Variants in DENND6A observed in about 807,000 individuals in gnomAD.
DENND6A encodes DENN domain containing 6A.
Under a neutral mutation model 95.5 loss-of-function variants are expected in DENND6A, and 43 were observed. That is an observed-to-expected ratio of 0.45 (90% CI 0.35 to 0.58). The LOEUF is 0.58. Among genes scored for constraint, DENND6A ranks in the 20% least tolerant of loss-of-function variants. The probability of loss-of-function intolerance (pLI) is 0.00; values close to 1 mark genes in which losing one functional copy is unlikely to be tolerated. For missense variants in DENND6A, 574 were observed against 736.0 expected (o/e 0.78, Z 2.55); for synonymous variants, 257 against 260.4 (o/e 0.99, Z 0.13).
chr3:57,633,385 T>G, intron 14 of DENND6A, 31 bp from the exon 15 acceptor site: 1 of 1,550,656 alleles, frequency 6.4e-7, no homozygotes, highest in Non-Finnish European at 8.9e-7. Flanking sequence ...GAATCTGTAT[T>G]CTAGTGTTGG....
intron 12 of DENND6A, 98 bp from the exon 13 acceptor site, chr3:57,634,867 A>G: frequency 1.0e-6 from 1 of 972,532 alleles, no homozygotes; most frequent in Non-Finnish European, 1.4e-6. Context: ...TTACTTAAGT[A>G]TGTTATAATG....
intron 11 of DENND6A, 65 bp from the exon 12 acceptor site, chr3:57,641,812 G>A (rs896308309): frequency 5.8e-6 from 8 of 1,368,608 alleles, no homozygotes; most frequent in Middle Eastern, 2.0e-4. Context: ...AATCAGTGAA[G>A]AATAGTTTAC....
chr3:57,630,468 T>C lies in DENND6A; in HGVS notation c.1573A>G (p.Met525Val). ...TGGAGTGCCTCCAATTTTTGGGTCA[T>C]TTCCTTCCTCCGGGTCTTAAACCAG... Reference protein sequence around the residue: ...DGWFKTRRKEMTQKLEALHLE... With the variant: ...DGWFKTRRKEVTQKLEALHLE... Residue 525 changes from methionine (M) to valine (V), a missense_variant, in exon 18 of 20, where the codon ATG becomes GTG. Around this residue, in one of 2 missense-constraint regions of DENND6A, gnomAD observed 452 missense variants for 630.9 expected, o/e 0.72. Transcript: ENST00000311128. 2 of 1,596,888 alleles carry C rather than the reference T, an allele frequency of 1.3e-6. No individual in the cohort carries two copies. The highest frequency in any genetic ancestry group is 1.7e-6 in the Non-Finnish European group (2 of 1,176,516).
At chr3:57,633,118 C>A (rs567303215) in intron 15 of DENND6A, 147 bp downstream of exon 15, 4 of 663,576 alleles carry the variant, frequency 6.0e-6, no homozygotes, top group Non-Finnish European at 1.0e-5. Flanking sequence ...TAATCCAGGT[C>A]TCTTGCAAAG....
chr3:57,673,429 T>C (rs111262502), intron 1 of DENND6A, among the ~76,000 whole-genome samples: 2 of 151,900 alleles, frequency 1.3e-5, no homozygotes, highest in Non-Finnish European at 2.9e-5. Flanking sequence ...GGAAGAGTAG[T>C]AAGAGTTTGA....
intron 1 of DENND6A, among the ~76,000 whole-genome samples, chr3:57,684,189 C>T (rs375425531): frequency 6.8e-5 from 10 of 146,208 alleles, no homozygotes; most frequent in East Asian, 4.0e-4. Flanking sequence ...GGGCCAGGCA[C>T]GGTGGCCCAT....
chr3:57,684,238 G>A (rs181213420), intron 1 of DENND6A, among the ~76,000 whole-genome samples: 1 of 151,274 alleles, frequency 6.6e-6, no homozygotes, highest in African/African-American at 2.4e-5. Context: ...AAGGTGGGCA[G>A]ATCACGAGGT....
At chr3:57,645,193 T>G (rs1314074467) in intron 11 of DENND6A, among the ~76,000 whole-genome samples, 7 of 152,180 alleles carry the variant, frequency 4.6e-5, no homozygotes, top group African/African-American at 1.7e-4. Flanking sequence ...CCGGGTGTGG[T>G]GGCTCACACC....
intron 11 of DENND6A, among the ~76,000 whole-genome samples, chr3:57,644,936 C>T (rs1575827220): frequency 1.3e-5 from 2 of 151,746 alleles, no homozygotes; most frequent in African/African-American, 4.8e-5. Context: ...GAAGTCAATC[C>T]GCAGTTGACT....
At chr3:57,661,643 T>C (rs2071425858) in intron 5 of DENND6A, 92 bp from the exon 6 acceptor site, 2 of 1,019,746 alleles carry the variant, frequency 2.0e-6, no homozygotes, top group South Asian at 3.2e-5. Context: ...CAGCAAAAAG[T>C]GTGGATTTTA....
intron 18 of DENND6A, among the ~76,000 whole-genome samples, chr3:57,629,597 C>T (rs1440498808): frequency 1.3e-5 from 2 of 150,244 alleles, no homozygotes; most frequent in Non-Finnish European, 3.0e-5. Flanking sequence ...CTGCAAGCTC[C>T]GCCTCCCGGG....
chr3:57,670,255 C>T (rs369194098), intron 3 of DENND6A, among the ~76,000 whole-genome samples: 3 of 151,762 alleles, frequency 2.0e-5, no homozygotes, highest in Admixed American at 1.3e-4. Context: ...AACAGATTAA[C>T]GAGAAAAGAT....
At chr3:57,674,328 G>A (rs1197602134) in intron 1 of DENND6A, among the ~76,000 whole-genome samples, 7 of 151,576 alleles carry the variant, frequency 4.6e-5, no homozygotes, top group African/African-American at 9.7e-5. Context: ...AGCCAAGATC[G>A]CGCCACTGCA....
intron 4 of DENND6A, 61 bp from the exon 5 acceptor site, chr3:57,663,777 A>C (rs1474450312): frequency 5.3e-6 from 5 of 942,800 alleles, no homozygotes; most frequent in Non-Finnish European, 7.6e-6. Flanking sequence ...ATCTATATCT[A>C]TATCCATATC....
intron 1 of DENND6A, among the ~76,000 whole-genome samples, chr3:57,691,455 A>G (rs981312096): frequency 2.0e-5 from 3 of 152,200 alleles, no homozygotes; most frequent in African/African-American, 7.2e-5. Flanking sequence ...ACAAATACAG[A>G]TTAGAGCACA....
At chr3:57,672,356 CAG>C (rs757867996) in intron 2 of DENND6A, 42 bp downstream of exon 2, 26 of 1,609,724 alleles carry the variant, frequency 1.6e-5, no homozygotes, top group South Asian at 4.4e-5. Context: ...TAAAAACAAA[CAG>C]AAATATAACA....
intron 1 of DENND6A, among the ~76,000 whole-genome samples, chr3:57,691,669 CAAAA>C (rs71091304): frequency 0.044 from 4,129 of 93,668 alleles, 78 homozygotes; most frequent in Non-Finnish European, 0.062. Flanking sequence ...TCACCAATAC[CAAAA>C]AAAAAAAAAA....
intron 4 of DENND6A, 48 bp from the exon 5 acceptor site, chr3:57,663,764 T>C: frequency 2.6e-6 from 3 of 1,171,762 alleles, no homozygotes; most frequent in Admixed American, 2.3e-5. Context: ...TACATATATA[T>C]GTATCTATAT....
At chr3:57,662,042 T>G (rs1249801880) in intron 5 of DENND6A, among the ~76,000 whole-genome samples, 2 of 151,136 alleles carry the variant, frequency 1.3e-5, no homozygotes, top group Non-Finnish European at 1.5e-5. Flanking sequence ...TTTTTTTTTT[T>G]CTTAAAAACC....
Sources: allele counts gnomAD v4.1 joint callset (sites outside exome capture counted in the v4.1 genomes callset), GRCh38; gene constraint gnomAD v4.1.1; regional missense constraint gnomAD v4.1.1; transcripts MANE v1.5; gene names NCBI Gene and HGNC (gene_info 2026-07-23, HGNC 2026-07-21).